Variants in ZWILCH observed in about 807,000 individuals in gnomAD.
The protein encoded by ZWILCH is protein zwilch homolog.
In ZWILCH, 74 loss-of-function variants were observed where a neutral mutation model predicts 79.9. The observed-to-expected ratio is 0.93, with a 90% confidence interval of 0.77 to 1.12. The LOEUF (loss-of-function observed/expected upper bound fraction) is 1.12. ZWILCH is among the 50% of genes most tolerant of loss of function. ZWILCH has a pLI of 0.00. For missense variants in ZWILCH, 694 were observed against 687.5 expected (o/e 1.01, Z -0.11); for synonymous variants, 241 against 228.2 (o/e 1.06, Z -0.51).
rs146259471 is a variant in ZWILCH at position 66,549,427 on chromosome 15, A to C, written c.*1103A>C. On this transcript the variant is annotated 3_prime_UTR_variant, in exon 19 of 19. Transcript: ENST00000307897. ...ATTAAAGATGAGCTTGTTAAAAAGGAAAGCATATTTCTCTGATTGCCCTTA... is the reference window on the plus strand; with the variant it reads ...ATTAAAGATGAGCTTGTTAAAAAGGCAAGCATATTTCTCTGATTGCCCTTA... 1.3e-5 allele frequency: 2 copies of C among 152,332 alleles called. No homozygotes were observed. The highest frequency in any genetic ancestry group is 1.9e-4 in the East Asian group (1 of 5,188). 9.4% of individuals were successfully genotyped at this position (152,332 alleles called of 1,614,324 possible). A position where few individuals can be genotyped will look rare whatever the true frequency, so the allele number is the denominator to read the frequency against.
chr15:66,518,688 G>A (rs111861014), intron 4 of ZWILCH, among the ~76,000 whole-genome samples, 191 bp from the exon 5 acceptor site: 1,972 of 152,272 alleles, frequency 0.013, 36 homozygotes, highest in African/African-American at 0.045. Context: ...GCTTGTATCT[G>A]TAGTCCCAGC....
rs777857473 is a variant in ZWILCH at position 66,536,086 on chromosome 15, T to G, written c.1478+17T>G. 6.3e-7 allele frequency: 1 copy of G among 1,575,882 alleles called. No homozygotes were observed. The highest frequency in any genetic ancestry group is 8.6e-7 in the Non-Finnish European group (1 of 1,162,936). On this transcript the variant is annotated intron_variant, in intron 15 of 18. Transcript: ENST00000307897. ...TTTAACACAGTAAGTACATCTGTATTCTTCACTTATATAGAAATGTATTTC... is the reference window on the plus strand; with the variant it reads ...TTTAACACAGTAAGTACATCTGTATGCTTCACTTATATAGAAATGTATTTC...
chr15:66,531,365 T>C (rs921157906), intron 12 of ZWILCH, among the ~76,000 whole-genome samples: 2 of 152,220 alleles, frequency 1.3e-5, no homozygotes, highest in Non-Finnish European at 2.9e-5. Flanking sequence ...GGCTTCTCTT[T>C]GGTGGAATCG....
intron 7 of ZWILCH, among the ~76,000 whole-genome samples, chr15:66,523,077 C>T (rs528717448): frequency 6.6e-6 from 1 of 152,268 alleles, no homozygotes; most frequent in Non-Finnish European, 1.5e-5. Flanking sequence ...CTCACCTCGG[C>T]CTCCCAGAGT....
intron 17 of ZWILCH, among the ~76,000 whole-genome samples, chr15:66,542,782 C>T (rs1895234995): frequency 6.6e-6 from 1 of 151,904 alleles, no homozygotes; most frequent in Non-Finnish European, 1.5e-5. Flanking sequence ...TGCTTGAGCT[C>T]AAGAGTTCAA....
chr15:66,508,499 G>C (rs778866551), intron 1 of ZWILCH, among the ~76,000 whole-genome samples: 8 of 152,190 alleles, frequency 5.3e-5, no homozygotes, highest in Admixed American at 2.0e-4. Flanking sequence ...CATGTGGCAA[G>C]TTACATTTTA....
intron 2 of ZWILCH, 116 bp downstream of exon 2, chr15:66,509,008 C>A: frequency 9.2e-7 from 1 of 1,086,318 alleles, no homozygotes; most frequent in South Asian, 1.4e-5. Flanking sequence ...GGCGCGATCT[C>A]GGCTCACTGC....
In ZWILCH at chr15:66,515,611, T is replaced by C. The variant is rs775094191; in HGVS notation, c.287T>C (p.Val96Ala). 4 of 1,613,860 alleles carry C rather than the reference T, an allele frequency of 2.5e-6. No homozygotes were observed. Among genetic ancestry groups the C allele is most frequent in the East Asian group, 2.2e-5 (1 of 44,872 alleles). The change falls in exon 4 of 19, where the codon GTT becomes GCT. Residue 96 changes from valine (V) to alanine (A), a missense_variant. Transcript: ENST00000307897. The part of the protein sequence containing the change: ...AISDFSTGEN[V>A]GPLALPVGKA... ...TCTGATTTCTCTACTGGCGAAAATG[T>C]TGGACCACTTGCTTTACCAGTTGGG...
intron 17 of ZWILCH, among the ~76,000 whole-genome samples, chr15:66,544,633 G>A (rs1199462621): frequency 6.6e-6 from 1 of 151,542 alleles, no homozygotes; most frequent in Non-Finnish European, 1.5e-5. Flanking sequence ...AACTACTACT[G>A]CCCCCGGCCA....
chr15:66,520,417 A>G, intron 5 of ZWILCH, 173 bp from the exon 6 acceptor site: 1 of 559,208 alleles, frequency 1.8e-6, no homozygotes, highest in Non-Finnish European at 3.2e-6. Context: ...CACCATACCC[A>G]GCCCACTTTC....
chr15:66,512,019 C>T (rs544249579), intron 2 of ZWILCH, among the ~76,000 whole-genome samples: 1 of 152,148 alleles, frequency 6.6e-6, no homozygotes, highest in East Asian at 1.9e-4. Context: ...AGGTATTAAT[C>T]TTAAGAAAAT....
At position 66,506,832 on chromosome 15, in the gene ZWILCH, T is replaced by C. The variant is rs542453626; in HGVS notation, c.53+1441T>C. ...CTCTAAAAATAAATAAATAAATAAG[T>C]CCTCTATTGATACAACTTTATTTAG... is the stretch of plus-strand genomic sequence containing the variant. On this transcript the variant is annotated intron_variant, in intron 1 of 18. Transcript: ENST00000307897. 2.3e-4 allele frequency among the ~76,000 whole-genome samples: 35 copies of C among 150,694 alleles called. 1 individual carries two copies. In the South Asian group the frequency reaches 7.4e-3, roughly 32 times the overall value.
intron 5 of ZWILCH, among the ~76,000 whole-genome samples, chr15:66,519,466 T>G (rs916986427): frequency 1.3e-5 from 2 of 152,240 alleles, no homozygotes; most frequent in Non-Finnish European, 2.9e-5. Flanking sequence ...ATTTACTTAT[T>G]TATTTTGAGA....
rs1476713715 is a variant in ZWILCH, at chr15:66,527,302, G to C, written c.832G>C (p.Gly278Arg). 1 of 1,613,982 alleles carries C rather than the reference G, an allele frequency of 6.2e-7. No individual in the cohort carries two copies. Among genetic ancestry groups the C allele is most frequent in the South Asian group, 1.1e-5 (1 of 91,058 alleles). Residue 278 changes from glycine to arginine, a missense_variant, in exon 9 of 19, where the codon GGT becomes CGT. By Grantham distance (125) the Gly-to-Arg change is moderately radical. Coordinates refer to ENST00000307897, the MANE Select transcript of ZWILCH (RefSeq NM_017975.5). ...ELKFLLVLADGLRTGVTEWLE... is the reference protein window; with the variant it reads ...ELKFLLVLADRLRTGVTEWLE... ...AAATCTCCTGTAGGTTTTGGCTGAT[G>C]GTTTGAGGACTGGTGTCACTGAATG...
At chr15:66,535,869 T>C in intron 14 of ZWILCH, 64 bp from the exon 15 acceptor site, 1 of 1,446,042 alleles carries the variant, frequency 6.9e-7, no homozygotes, top group Non-Finnish European at 9.3e-7. Context: ...GGCATACCTA[T>C]ATTCTTTACA....
At chr15:66,527,419 T>C (rs1298732165) in intron 9 of ZWILCH, 36 bp downstream of exon 9, 1 of 1,457,272 alleles carries the variant, frequency 6.9e-7, no homozygotes, top group Admixed American at 1.7e-5. Context: ...GAATTTATAC[T>C]TGCTATGTTT....
chr15:66,546,617 A>G lies in ZWILCH; in HGVS notation c.1714A>G (p.Ser572Gly). Reference sequence around the variant, plus strand: ...TTTTTCGGAATTAACACTAAACGGTAGCCTGGAAGAAAGGATATTCTTTAC... The same window carrying G: ...TTTTTCGGAATTAACACTAAACGGTGGCCTGGAAGAAAGGATATTCTTTAC... The part of the protein sequence containing the change: ...PDFSELTLNG[S>G]LEERIFFTNM... The change falls in exon 18 of 19, where the codon AGC becomes GGC. Residue 572 changes from serine (S) to glycine (G), a missense_variant. Transcript: ENST00000307897. The G allele has an allele frequency of 6.2e-7, 1 of 1,609,310 alleles. No homozygotes were observed. The highest frequency in any genetic ancestry group is 8.5e-7 in the Non-Finnish European group (1 of 1,178,000).
In ZWILCH at chr15:66,548,434, A is replaced by C; in HGVS notation, c.*110A>C. The C allele has an allele frequency of 1.1e-6, 1 of 911,954 alleles. No individual in the cohort carries two copies. The highest frequency in any genetic ancestry group is 1.9e-5 in the Admixed American group (1 of 51,630). 56.5% of individuals were successfully genotyped at this position (911,954 alleles called of 1,614,324 possible). On this transcript the variant is annotated 3_prime_UTR_variant, in exon 19 of 19. Coordinates refer to ENST00000307897, the MANE Select transcript of ZWILCH (RefSeq NM_017975.5). ...ATGTATGGAAACCCTCAAAGCAGAA[A>C]AGGGAGGAAGATCCTGAAGATTCTC... is the stretch of plus-strand genomic sequence containing the variant.
At chr15:66,514,283 G>T in intron 3 of ZWILCH, 200 bp downstream of exon 3, 3 of 300,136 alleles carry the variant, frequency 1.0e-5, no homozygotes, top group East Asian at 6.1e-5. Context: ...GCCTCATTAA[G>T]AAATAATCGA....
Sources: allele counts gnomAD v4.1 joint callset (sites outside exome capture counted in the v4.1 genomes callset), GRCh38; gene constraint gnomAD v4.1.1; transcripts MANE v1.5; gene names NCBI Gene and HGNC (gene_info 2026-07-23, HGNC 2026-07-21).